The following CHCHD7 variants were observed in gnomAD, a reference collection of about 807,000 sequenced individuals.
CHCHD7 encodes coiled-coil-helix-coiled-coil-helix domain containing 7.
A neutral mutation model predicts 10.5 loss-of-function variants in CHCHD7; 7 were observed. That is an observed-to-expected ratio of 0.67 (90% CI 0.38 to 1.25). The LOEUF (loss-of-function observed/expected upper bound fraction) is 1.25, where lower values mean the gene tolerates loss of function less well. Among genes scored for constraint, CHCHD7 ranks in the 50% most tolerant of loss-of-function variants. The probability of loss-of-function intolerance (pLI) is 0.02; values close to 1 mark genes in which losing one functional copy is unlikely to be tolerated. For synonymous variants in CHCHD7, 40 were observed against 36.0 expected (o/e 1.11, Z -0.40); for missense variants, 100 against 104.5 (o/e 0.96, Z 0.19).
At position 56,218,477 on chromosome 8, in the gene CHCHD7, G is replaced by C. The variant is rs574927571; in HGVS notation, c.*1042G>C. ...TGCTTTTGTCCCTTCTCTTCATCTG[G>C]TCTTGGGTCAAGAACATTGTTTTAA... On this transcript the variant is annotated 3_prime_UTR_variant, in exon 4 of 4. Transcript: ENST00000355315. 1.4e-5 allele frequency: 3 copies of C among 215,616 alleles called. No individual in the cohort carries two copies. In the South Asian group the frequency reaches 5.6e-4, roughly 40 times the overall value. The allele number at this position is 215,616 out of a possible 1,614,324, so 13.4% of individuals were successfully genotyped here.
In CHCHD7 at chr8:56,217,499, T is replaced by C. The variant is rs777075960; in HGVS notation, c.*64T>C. The C allele has an allele frequency of 2.1e-5, 22 of 1,036,758 alleles. No homozygotes were observed. Among genetic ancestry groups the C allele is most frequent in the Non-Finnish European group, 3.1e-5 (21 of 669,350 alleles). 64.2% of individuals were successfully genotyped at this position (1,036,758 alleles called of 1,614,324 possible). A position where few individuals can be genotyped will look rare whatever the true frequency, so the allele number is the denominator to read the frequency against. ...ATGAATATTTCTAATAAATGATTGC[T>C]GTAATATTTAAGACTGTACACCCCT... On this transcript the variant is annotated 3_prime_UTR_variant, in exon 4 of 4. Transcript: ENST00000355315.
At chr8:56,215,115 C>G (rs1813264879) in intron 2 of CHCHD7, 1 of 154,760 alleles carries the variant, frequency 6.5e-6, no homozygotes, top group African/African-American at 2.4e-5. Context: ...ATCTGATAAA[C>G]AAAATGTTTT....
chr8:56,212,477 G>A, intron 1 of CHCHD7: 1 of 177,666 alleles, frequency 5.6e-6, no homozygotes. Flanking sequence ...CTTAGAGAGG[G>A]GGGACGTGAA....
At chr8:56,216,250 G>C in intron 2 of CHCHD7, 183 bp from the exon 3 acceptor site, 1 of 862,734 alleles carries the variant, frequency 1.2e-6, no homozygotes, top group Non-Finnish European at 1.7e-6. Context: ...ATGTTAGCCT[G>C]AGCAGAGTGC....
intron 2 of CHCHD7, 169 bp from the exon 3 acceptor site, chr8:56,216,264 C>T: frequency 9.9e-7 from 1 of 1,012,450 alleles, no homozygotes; most frequent in Middle Eastern, 3.2e-4. Flanking sequence ...AGAGTGCATA[C>T]TGGGATAGCT....
intron 3 of CHCHD7, 120 bp from the exon 4 acceptor site, chr8:56,217,211 A>C: frequency 1.7e-6 from 1 of 582,858 alleles, no homozygotes; most frequent in Non-Finnish European, 3.0e-6. Context: ...TTTTTTAAAA[A>C]AAACTTGGTT....
chr8:56,217,225 A>G, intron 3 of CHCHD7, 106 bp from the exon 4 acceptor site: 2 of 644,350 alleles, frequency 3.1e-6, no homozygotes, highest in Non-Finnish European at 2.6e-6. Context: ...CTTGGTTTTT[A>G]GAATTTCCTT....
chr8:56,218,079 A>C lies in CHCHD7; in HGVS notation c.*644A>C. ...AGAACTGGTTGTCTTTCTTTAAAGA[A>C]AGTCTTAGTTACAGGATTCTGTGAT... On this transcript the variant is annotated 3_prime_UTR_variant, in exon 4 of 4. Transcript: ENST00000355315. 4.4e-6 allele frequency: 1 copy of C among 228,736 alleles called. No individual in the cohort carries two copies. Among genetic ancestry groups the C allele is most frequent in the Non-Finnish European group, 8.7e-6 (1 of 115,332 alleles). 14.2% of individuals were successfully genotyped at this position (228,736 alleles called of 1,614,324 possible).
intron 1 of CHCHD7, chr8:56,213,522 G>C (rs1352276070): frequency 6.6e-6 from 1 of 152,320 alleles, no homozygotes. Flanking sequence ...CTCCTGAGTA[G>C]TTGGGATTAC....
At chr8:56,215,531 C>T (rs889520221) in intron 2 of CHCHD7, 1 of 152,054 alleles carries the variant, frequency 6.6e-6, no homozygotes, top group Admixed American at 6.5e-5. Context: ...CAATAGGGTT[C>T]GTGATATTAG....
intron 2 of CHCHD7, 51 bp downstream of exon 2, chr8:56,214,718 T>C (rs1053144581): frequency 2.8e-6 from 4 of 1,446,900 alleles, no homozygotes; most frequent in Non-Finnish European, 3.9e-6. Context: ...AAAAACAGGC[T>C]GCTCTAGTTT....
chr8:56,215,065 A>G (rs1813261710), intron 2 of CHCHD7: 2 of 161,244 alleles, frequency 1.2e-5, no homozygotes, highest in Admixed American at 6.1e-5. Flanking sequence ...GGCTGATAAT[A>G]TAATTAGCCT....
rs1274046220 is a variant in CHCHD7, at chr8:56,212,980, CTTAAAT to C, written c.-17+1148_-17+1153del. Reference sequence around the variant, plus strand: ...GGATACTTTCATGTAAGGCACGAAACTTAAATTTAATGCAAGGTTGTCTGATCCTTG... The same window carrying C: ...GGATACTTTCATGTAAGGCACGAAACTTAATGCAAGGTTGTCTGATCCTTG... On this transcript the variant is annotated intron_variant, in intron 1 of 3. Transcript: ENST00000355315. 3.2e-6 allele frequency: 3 copies of C among 943,918 alleles called. No individual in the cohort carries two copies. The African/African-American group carries it at 4.9e-5, about 16-fold the overall frequency. The allele number at this position is 943,918 out of a possible 1,614,324, so 58.5% of individuals were successfully genotyped here. A position where few individuals can be genotyped will look rare whatever the true frequency, so the allele number is the denominator to read the frequency against.
chr8:56,214,583 T>C lies in CHCHD7; in HGVS notation c.-16-15T>C, dbSNP rs776913351. 9 of 1,597,146 alleles carry C rather than the reference T, an allele frequency of 5.6e-6. No individual in the cohort carries two copies. In the East Asian group the frequency reaches 6.7e-5, roughly 12 times the overall value. On this transcript the variant is annotated splice_polypyrimidine_tract_variant and intron_variant, in intron 1 of 3. Coordinates refer to ENST00000355315, the MANE Select transcript of CHCHD7 (RefSeq NM_001011671.3). ...TCAACTACTGTATAATTATTTTTTT[T>C]CTGTCTACCCTCAGTAAGAAGACTG...
Position 56,214,932 on chromosome 8 carries a change from C to G in CHCHD7, c.54+265C>G, listed in dbSNP as rs576031266. On this transcript the variant is annotated intron_variant, in intron 2 of 3. Transcript: ENST00000355315. ...TAAAACTAGACAGGAAAATGTAACA[C>G]TGAGAATATTTAGTCCAAACATGGA... 318 of 322,918 alleles carry G rather than the reference C, an allele frequency of 9.8e-4. 2 individuals are homozygous for G. Among genetic ancestry groups the G allele is most frequent in the Non-Finnish European group, 1.4e-3 (248 of 172,290 alleles). The allele number at this position is 322,918 out of a possible 1,614,324, so 20.0% of individuals were successfully genotyped here.
intron 3 of CHCHD7, 126 bp from the exon 4 acceptor site, chr8:56,217,205 T>A (rs1344336126): frequency 1.7e-5 from 10 of 575,922 alleles, no homozygotes; most frequent in African/African-American, 1.7e-4. Flanking sequence ...GATTTTTTTT[T>A]TAAAAAAAAC....
At chr8:56,212,952 G>C in intron 1 of CHCHD7, 1 of 1,241,800 alleles carries the variant, frequency 8.1e-7, no homozygotes, top group Non-Finnish European at 1.2e-6. Flanking sequence ...AAAATATAGA[G>C]TAGGATACTT....
At chr8:56,215,014 A>G in intron 2 of CHCHD7, 1 of 192,734 alleles carries the variant, frequency 5.2e-6, no homozygotes, top group East Asian at 1.2e-4. Context: ...TTCACTAGCA[A>G]TAATATCACC....
In CHCHD7 at chr8:56,216,579, T is replaced by C. The variant is rs199964864; in HGVS notation, c.153+48T>C. On this transcript the variant is annotated intron_variant, in intron 3 of 3. Transcript: ENST00000355315. ...TGTGTTAAAACCCATCTCCTAGGGT[T>C]GAAACTGAAGCCTAAAATTAGTCAG... The C allele has an allele frequency of 3.1e-6, 5 of 1,605,114 alleles. No individual in the cohort carries two copies. The East Asian group carries it at 1.1e-4, about 36-fold the overall frequency.
Sources: allele counts gnomAD v4.1 joint callset, GRCh38; gene constraint gnomAD v4.1.1; transcripts MANE v1.5; gene names NCBI Gene and HGNC (gene_info 2026-07-23, HGNC 2026-07-21).